MBD5: variants seen among roughly 807,000 people sequenced by gnomAD.
The protein encoded by MBD5 is methyl-CpG binding domain protein 5, also known as methyl-CpG-binding domain protein 5.
In MBD5, 13 loss-of-function variants were observed where a neutral mutation model predicts 117.3. The ratio of observed to expected loss-of-function variants is 0.11; its 90% CI spans 0.07 to 0.18. MBD5 has a LOEUF of 0.18. MBD5 is among the 10% of genes least tolerant of loss of function. The pLI, the probability that MBD5 is intolerant of heterozygous loss-of-function variation, is 1.00. For synonymous variants in MBD5, 727 were observed against 766.4 expected (o/e 0.95, Z 0.85); for missense variants, 1,879 against 2,093.8 (o/e 0.90, Z 2.00).
At chr2:148,414,525 C>T (rs548275041) in intron 4 of MBD5, among the ~76,000 whole-genome samples, 6 of 152,134 alleles carry the variant, frequency 3.9e-5, no homozygotes, top group African/African-American at 1.4e-4. Context: ...TTTTTAGTTT[C>T]CTCCTTGGTG....
intron 1 of MBD5, among the ~76,000 whole-genome samples, chr2:148,158,974 G>C (rs759097059): frequency 3.0e-4 from 45 of 152,136 alleles, no homozygotes; most frequent in Non-Finnish European, 5.1e-4. Flanking sequence ...TGCCCGCCTT[G>C]GCCTCCCAAA....
At chr2:148,156,974 G>A (rs1259330898) in intron 1 of MBD5, among the ~76,000 whole-genome samples, 3 of 152,074 alleles carry the variant, frequency 2.0e-5, no homozygotes, top group African/African-American at 7.2e-5. Context: ...CTTCATAAGT[G>A]CTTGTCCCTA....
intron 2 of MBD5, among the ~76,000 whole-genome samples, chr2:148,181,149 A>T (rs1235336842): frequency 1.3e-5 from 2 of 152,236 alleles, no homozygotes; most frequent in Admixed American, 1.3e-4. Flanking sequence ...TCTCATTGTG[A>T]TCCTTACTAT....
chr2:148,274,919 C>T (rs1290398554), intron 3 of MBD5, among the ~76,000 whole-genome samples: 2 of 152,010 alleles, frequency 1.3e-5, no homozygotes, highest in African/African-American at 4.8e-5. Flanking sequence ...GACGGGGTTT[C>T]ACCATGTTAG....
At chr2:148,309,185 G>A (rs976406342) in intron 3 of MBD5, among the ~76,000 whole-genome samples, 1 of 152,040 alleles carries the variant, frequency 6.6e-6, no homozygotes, top group Non-Finnish European at 1.5e-5. Context: ...TTCTAATTCT[G>A]CAAAGAAAGT....
intron 4 of MBD5, among the ~76,000 whole-genome samples, chr2:148,385,632 A>G (rs1302909306): frequency 1.3e-5 from 2 of 152,026 alleles, no homozygotes; most frequent in Non-Finnish European, 2.9e-5. Flanking sequence ...AGGATTATAA[A>G]TCATGCTGCT....
At chr2:148,247,142 C>T (rs1406318775) in intron 3 of MBD5, among the ~76,000 whole-genome samples, 3 of 152,162 alleles carry the variant, frequency 2.0e-5, no homozygotes, top group East Asian at 3.9e-4. Flanking sequence ...TGTCTTCCAC[C>T]TAATTCTTTT....
intron 1 of MBD5, among the ~76,000 whole-genome samples, chr2:148,079,626 A>C (rs1573991053): frequency 6.6e-6 from 1 of 151,966 alleles, no homozygotes; most frequent in East Asian, 1.9e-4. Context: ...TGGGAGGCCT[A>C]GGCGGGTGGA....
intron 4 of MBD5, among the ~76,000 whole-genome samples, chr2:148,451,994 A>G (rs1706741280): frequency 6.6e-6 from 1 of 152,184 alleles, no homozygotes; most frequent in South Asian, 2.1e-4. Flanking sequence ...ACTGAGCACA[A>G]GATCATTGTG....
chr2:148,317,596 C>T (rs887317070), intron 3 of MBD5, among the ~76,000 whole-genome samples: 2 of 152,042 alleles, frequency 1.3e-5, no homozygotes, highest in African/African-American at 4.8e-5. Flanking sequence ...AATTTTTCAA[C>T]CCTCATCCCT....
In MBD5 at chr2:148,483,732, G is replaced by T. The variant is rs1359120036; in HGVS notation, c.3141G>T (p.Glu1047Asp). The change falls in exon 9 of 14, where the codon GAG becomes GAT. Residue 1047 changes from glutamate (E) to aspartate (D), a missense_variant. Glu to Asp is a conservative substitution (Grantham distance 45). Transcript: ENST00000642680. ...PSNQSDNSRA[E>D]TLLTSPLGNP... ...ATCAGTCAGACAACAGCCGAGCTGAGACCCTTTTAACCAGCCCCCTGGGGA... is the reference window on the plus strand; with the variant it reads ...ATCAGTCAGACAACAGCCGAGCTGATACCCTTTTAACCAGCCCCCTGGGGA... The T allele has an allele frequency of 6.4e-7, 1 of 1,550,566 alleles. No homozygotes were observed. Among genetic ancestry groups the T allele is most frequent in the South Asian group, 1.2e-5 (1 of 84,062 alleles).
chr2:148,207,692 GAAA>G (rs34113572), intron 2 of MBD5, among the ~76,000 whole-genome samples: 88 of 142,466 alleles, frequency 6.2e-4, no homozygotes, highest in East Asian at 5.0e-3. Context: ...TAGAAGTTAG[GAAA>G]AAAAAAAAAA....
At chr2:148,374,724 G>C (rs1703948385) in intron 4 of MBD5, among the ~76,000 whole-genome samples, 1 of 152,126 alleles carries the variant, frequency 6.6e-6, no homozygotes, top group South Asian at 2.1e-4. Context: ...TGATCGCTCA[G>C]GCAGACGTGC....
intron 2 of MBD5, among the ~76,000 whole-genome samples, chr2:148,184,711 A>T (rs1240565953): frequency 6.6e-6 from 1 of 152,092 alleles, no homozygotes; most frequent in Non-Finnish European, 1.5e-5. Context: ...TGATATGTTG[A>T]CCTGTAAGGT....
chr2:148,425,181 A>AT (rs1559065859), intron 4 of MBD5, among the ~76,000 whole-genome samples: 2 of 152,182 alleles, frequency 1.3e-5, no homozygotes, highest in African/African-American at 4.8e-5. Context: ...ACTAGACACA[A>AT]TAAAAAAAAT....
intron 1 of MBD5, among the ~76,000 whole-genome samples, chr2:148,114,915 G>A (rs1278962644): frequency 1.3e-5 from 2 of 151,818 alleles, no homozygotes; most frequent in South Asian, 4.2e-4. Context: ...CTAGTATACA[G>A]AGAATAAAAA....
At chr2:148,100,834 G>A (rs1696191832) in intron 1 of MBD5, among the ~76,000 whole-genome samples, 1 of 152,176 alleles carries the variant, frequency 6.6e-6, no homozygotes, top group South Asian at 2.1e-4. Flanking sequence ...CCACATTCAA[G>A]GGATGGGAGC....
intron 3 of MBD5, among the ~76,000 whole-genome samples, chr2:148,338,390 A>G (rs1466198631): frequency 6.6e-6 from 1 of 152,114 alleles, no homozygotes; most frequent in Non-Finnish European, 1.5e-5. Flanking sequence ...TGTTGTTGAC[A>G]TTTTTTAACT....
At chr2:148,457,236 C>G (rs1706913173) in intron 4 of MBD5, among the ~76,000 whole-genome samples, 1 of 152,070 alleles carries the variant, frequency 6.6e-6, no homozygotes. Context: ...GTGGACAATG[C>G]TGCCACTGAA....
Sources: gnomAD v4.1 joint callset for allele counts (sites outside exome capture counted in the v4.1 genomes callset) on GRCh38, gnomAD v4.1.1 for gene constraint, MANE v1.5 for transcripts, NCBI Gene and HGNC (gene_info 2026-07-23, HGNC 2026-07-21) for gene names.